Variants in TMEM67 observed in about 807,000 individuals in gnomAD.
The protein encoded by TMEM67 is transmembrane protein 67, also known as meckelin.
A neutral mutation model predicts 136.6 loss-of-function variants in TMEM67; 124 were observed. The ratio of observed to expected loss-of-function variants is 0.91; its 90% confidence interval spans 0.78 to 1.05. The LOEUF (loss-of-function observed/expected upper bound fraction) is 1.05, where lower values mean the gene tolerates loss of function less well. Ranked by LOEUF, TMEM67 falls within the 50% of genes least tolerant of loss-of-function variation. The probability of loss-of-function intolerance (pLI) is 0.00; values close to 1 mark genes in which losing one functional copy is unlikely to be tolerated. For synonymous variants in TMEM67, 364 were observed against 390.5 expected (o/e 0.93, Z 0.80); for missense variants, 1,107 against 1,178.4 (o/e 0.94, Z 0.89).
At chr8:93,774,543 G>A (rs1297776688) in intron 7 of TMEM67, among the ~76,000 whole-genome samples, 2 of 152,088 alleles carry the variant, frequency 1.3e-5, no homozygotes, top group East Asian at 3.9e-4. Flanking sequence ...CCCAGTGTGT[G>A]ATGTTCCCCG....
At chr8:93,785,831 T>C (rs1433538441) in intron 12 of TMEM67, 1 of 239,176 alleles carries the variant, frequency 4.2e-6, no homozygotes. Context: ...CGCAGCACTT[T>C]GGGAGGCCAA....
chr8:93,796,577 A>G (rs1358129216), intron 18 of TMEM67, among the ~76,000 whole-genome samples: 3 of 152,184 alleles, frequency 2.0e-5, no homozygotes, highest in Non-Finnish European at 4.4e-5. Flanking sequence ...CCTTTATTTG[A>G]TGAATAATGC....
intron 26 of TMEM67, among the ~76,000 whole-genome samples, chr8:93,814,401 G>A (rs910895975): frequency 4.1e-5 from 6 of 146,234 alleles, no homozygotes; most frequent in African/African-American, 1.5e-4. Flanking sequence ...GGCCTCCCAA[G>A]TTTATGTATA....
At chr8:93,797,641 C>CT in intron 20 of TMEM67, among the ~76,000 whole-genome samples, 171 bp downstream of exon 20, 1 of 152,132 alleles carries the variant, frequency 6.6e-6, no homozygotes, top group Non-Finnish European at 1.5e-5. Flanking sequence ...TACCACAATT[C>CT]TTTTTTTAAG....
chr8:93,823,793 G>A (rs1018355478), downstream of TMEM67, among the ~76,000 whole-genome samples: 4 of 151,768 alleles, frequency 2.6e-5, no homozygotes, highest in African/African-American at 9.7e-5. Flanking sequence ...CATTTTATTT[G>A]GGTTTTCAGT....
chr8:93,780,540 T>A, intron 7 of TMEM67, 53 bp from the exon 8 acceptor site: 1 of 1,610,052 alleles, frequency 6.2e-7, no homozygotes, highest in Non-Finnish European at 8.5e-7. Context: ...TATCAACTTT[T>A]GCATAGACTG....
intron 23 of TMEM67, 131 bp from the exon 24 acceptor site, chr8:93,808,709 T>G (rs1380545802): frequency 3.0e-6 from 2 of 658,610 alleles, no homozygotes; most frequent in South Asian, 1.8e-5. Flanking sequence ...CAAATACAGT[T>G]TCAGTGAATT....
intron 21 of TMEM67, among the ~76,000 whole-genome samples, chr8:93,801,340 T>G (rs1355374390): frequency 2.6e-5 from 4 of 151,550 alleles, no homozygotes; most frequent in African/African-American, 9.7e-5. Context: ...GCTCAAGCAA[T>G]CCTCCTGCCT....
chr8:93,797,527 CTAATA>C, intron 20 of TMEM67, 57 bp downstream of exon 20: 4 of 1,510,228 alleles, frequency 2.6e-6, no homozygotes, highest in Non-Finnish European at 3.7e-6. Context: ...AAATATTAAA[CTAATA>C]TAATTCCAAC....
At chr8:93,796,457 T>C (rs963665526) in intron 18 of TMEM67, among the ~76,000 whole-genome samples, 7 of 152,242 alleles carry the variant, frequency 4.6e-5, no homozygotes, top group Admixed American at 1.3e-4. Context: ...TGAATCTCTT[T>C]ATATGCCTGT....
intron 13 of TMEM67, among the ~76,000 whole-genome samples, chr8:93,787,346 A>T (rs1162581384): frequency 6.6e-6 from 1 of 151,904 alleles, no homozygotes; most frequent in Non-Finnish European, 1.5e-5. Context: ...GGGCTCAAAC[A>T]GTCTTCCCGC....
intron 6 of TMEM67, 132 bp downstream of exon 6, chr8:93,765,778 A>G (rs1813058613): frequency 9.8e-6 from 7 of 712,040 alleles, no homozygotes; most frequent in Non-Finnish European, 1.8e-5. Context: ...AATCTAAGAA[A>G]CATTAGTCTA....
In TMEM67 at chr8:93,815,918, T is replaced by C. The variant is rs146944467; in HGVS notation, c.2908-454T>C. ...GACCCTGAAATAGAGATTTCAAGAA[T>C]TGGCAAATCTGTTCTTGAAATGGTG... On this transcript the variant is annotated intron_variant, in intron 27 of 27. Coordinates refer to ENST00000453321, the MANE Select transcript of TMEM67 (RefSeq NM_153704.6). 6.6e-5 allele frequency among the ~76,000 whole-genome samples: 10 copies of C among 152,368 alleles called. No individual in the cohort carries two copies. The East Asian group carries it at 9.6e-4, about 15-fold the overall frequency.
chr8:93,813,430 C>T (rs536855568), intron 26 of TMEM67, among the ~76,000 whole-genome samples: 5 of 152,266 alleles, frequency 3.3e-5, no homozygotes, highest in South Asian at 4.1e-4. Context: ...CTGCCCACCT[C>T]GGCCTCCCAA....
chr8:93,781,547 TTGAA>T (rs1408364699), intron 9 of TMEM67, 107 bp from the exon 10 acceptor site: 2 of 540,874 alleles, frequency 3.7e-6, no homozygotes, highest in Non-Finnish European at 6.6e-6. Context: ...ATAAAGATAA[TTGAA>T]TGTAATTTTT....
chr8:93,803,174 A>G (rs1814941698), intron 21 of TMEM67, among the ~76,000 whole-genome samples: 1 of 152,202 alleles, frequency 6.6e-6, no homozygotes. Context: ...AATACTAGAT[A>G]TATGCTTTTT....
chr8:93,761,838 A>G (rs968513284), intron 3 of TMEM67: 5 of 152,252 alleles, frequency 3.3e-5, no homozygotes, highest in African/African-American at 1.2e-4. Flanking sequence ...TTATATATGC[A>G]TATGTGCTTG....
chr8:93,814,135 CTTTTTTTTTT>C (rs55774610), intron 26 of TMEM67, among the ~76,000 whole-genome samples: 1 of 60,780 alleles, frequency 1.6e-5, no homozygotes, highest in Non-Finnish European at 3.4e-5. Context: ...TATATGTATA[CTTTTTTTTTT>C]TTTTTTTTTT....
intron 7 of TMEM67, among the ~76,000 whole-genome samples, chr8:93,776,834 C>G (rs1385840151): frequency 2.0e-5 from 3 of 152,098 alleles, no homozygotes; most frequent in African/African-American, 4.8e-5. Flanking sequence ...GTATCTCTGC[C>G]AGGCTTTGGT....
Sources: allele counts gnomAD v4.1 joint callset (sites outside exome capture counted in the v4.1 genomes callset), GRCh38; gene constraint gnomAD v4.1.1; transcripts MANE v1.5; gene names NCBI Gene and HGNC (gene_info 2026-07-23, HGNC 2026-07-21).